The following MGAT4C variants were observed in gnomAD, a reference collection of about 807,000 sequenced individuals.
The protein encoded by MGAT4C is MGAT4 family member C, also known as alpha-1,3-mannosyl-glycoprotein 4-beta-N-acetylglucosaminyltransferase C.
A neutral mutation model predicts 40.1 loss-of-function variants in MGAT4C; 19 were observed. The observed-to-expected ratio is 0.47, with a 90% CI of 0.33 to 0.70. The LOEUF (loss-of-function observed/expected upper bound fraction) is 0.70, where lower values mean the gene tolerates loss of function less well. Ranked by LOEUF, MGAT4C falls within the 30% of genes least tolerant of loss-of-function variation. The pLI, the probability that MGAT4C is intolerant of heterozygous loss-of-function variation, is 0.02. For missense variants in MGAT4C, 491 were observed against 563.2 expected, an observed-to-expected ratio of 0.87 and a Z score of 1.30; for synonymous variants, 181 against 187.1, an observed-to-expected ratio of 0.97 and a Z score of 0.27.
upstream of MGAT4C, among the ~76,000 whole-genome samples, chr12:86,257,786 T>C (rs181946244): frequency 7.8e-4 from 119 of 152,290 alleles, no homozygotes; most frequent in African/African-American, 2.7e-3. Context: ...AGAAGCGAGT[T>C]AGCATGTGAC....
At position 86,566,613 on chromosome 12, in the gene MGAT4C, T is replaced by C. The variant is rs1316911829; in HGVS notation, c.-228-131348A>G. On this transcript the variant is annotated intron_variant, in intron 2 of 7. Transcript: ENST00000548651. ...ATATGTATTATATGTATTATTGTATTATATATGTATATATGTATTATATAT... is the reference window on the plus strand; with the variant it reads ...ATATGTATTATATGTATTATTGTATCATATATGTATATATGTATTATATAT... Among the ~76,000 whole-genome samples, 3 of 142,502 alleles carry C rather than the reference T, an allele frequency of 2.1e-5. No homozygotes were observed. In the Admixed American group the frequency reaches 2.2e-4, roughly 10 times the overall value. The allele number at this position is 142,502 out of a possible 152,430, so 93.5% of individuals were successfully genotyped here.
intron 1 of MGAT4C, among the ~76,000 whole-genome samples, chr12:86,248,792 A>G (rs1952148344): frequency 1.3e-5 from 2 of 152,150 alleles, no homozygotes; most frequent in Admixed American, 1.3e-4. Flanking sequence ...CCATCTAAAT[A>G]TATCGGAATC....
chr12:86,374,838 G>A (rs779652056), intron 3 of MGAT4C, among the ~76,000 whole-genome samples: 4 of 152,178 alleles, frequency 2.6e-5, no homozygotes, highest in South Asian at 2.1e-4. Context: ...AACTAATTTC[G>A]TAGTTTAGGC....
intron 1 of MGAT4C, among the ~76,000 whole-genome samples, chr12:86,130,687 A>G (rs569030545): frequency 1.3e-5 from 2 of 152,128 alleles, no homozygotes; most frequent in East Asian, 3.9e-4. Flanking sequence ...AATAGGTATG[A>G]GCTTATAATA....
intron 1 of MGAT4C, among the ~76,000 whole-genome samples, chr12:86,779,275 G>A (rs1487417892): frequency 6.6e-6 from 1 of 151,948 alleles, no homozygotes; most frequent in Non-Finnish European, 1.5e-5. Flanking sequence ...CGAGAATTTT[G>A]TGAAAACTAT....
At chr12:86,543,040 T>C (rs931998339) in intron 2 of MGAT4C, among the ~76,000 whole-genome samples, 1 of 152,064 alleles carries the variant, frequency 6.6e-6, no homozygotes, top group African/African-American at 2.4e-5. Flanking sequence ...TACTTTTATT[T>C]TGCTAATCCC....
chr12:86,312,315 G>A lies in MGAT4C; in HGVS notation c.-57+21750C>T, dbSNP rs528146524. On this transcript the variant is annotated intron_variant, in intron 4 of 7. Coordinates refer to the MGAT4C transcript ENST00000548651. ...CAGGAGGCAATTCTATTTAGAAGCC[G>A]CATTACACTCTACCCCAAATCTGGA... Among the ~76,000 whole-genome samples, 25 of 152,286 alleles carry A rather than the reference G, an allele frequency of 1.6e-4. No individual in the cohort carries two copies. In the South Asian group the frequency reaches 3.7e-3, roughly 23 times the overall value.
At chr12:86,758,395 A>G (rs1200154394) in intron 1 of MGAT4C, among the ~76,000 whole-genome samples, 2 of 151,466 alleles carry the variant, frequency 1.3e-5, no homozygotes, top group Non-Finnish European at 2.9e-5. Context: ...TTTTTTAAAA[A>G]AAAGAAACTA....
At chr12:86,082,844 TA>T (rs1208105773) in intron 1 of MGAT4C, among the ~76,000 whole-genome samples, 6 of 152,090 alleles carry the variant, frequency 3.9e-5, no homozygotes, top group Admixed American at 6.6e-5. Flanking sequence ...TTTATACTTT[TA>T]TTTTTTTTTG....
intron 2 of MGAT4C, among the ~76,000 whole-genome samples, chr12:86,714,606 C>G (rs565636986): frequency 6.6e-6 from 1 of 152,228 alleles, no homozygotes; most frequent in East Asian, 1.9e-4. Context: ...CCATGTAAGA[C>G]ATACCTTTCG....
chr12:86,436,402 A>G (rs748089758), intron 2 of MGAT4C, among the ~76,000 whole-genome samples: 5 of 151,788 alleles, frequency 3.3e-5, no homozygotes, highest in Non-Finnish European at 5.9e-5. Flanking sequence ...TAATCTTCTA[A>G]TTATGTTACT....
intron 2 of MGAT4C, among the ~76,000 whole-genome samples, chr12:86,550,967 C>A (rs1022866277): frequency 2.0e-5 from 3 of 152,232 alleles, no homozygotes; most frequent in African/African-American, 7.2e-5. Context: ...GGGGAAACAG[C>A]CGTGCCTGTG....
intron 3 of MGAT4C, among the ~76,000 whole-genome samples, chr12:86,405,092 T>C (rs1565737234): frequency 6.6e-6 from 1 of 152,056 alleles, no homozygotes; most frequent in East Asian, 1.9e-4. Context: ...AGAATGCTTT[T>C]TATCAATAAA....
At chr12:86,343,749 A>G (rs1954953129) in intron 3 of MGAT4C, among the ~76,000 whole-genome samples, 1 of 152,118 alleles carries the variant, frequency 6.6e-6, no homozygotes, top group Admixed American at 6.6e-5. Flanking sequence ...TTATCTATCG[A>G]TCTTCCCCAA....
intron 2 of MGAT4C, among the ~76,000 whole-genome samples, chr12:86,446,422 T>C (rs1957335073): frequency 6.6e-6 from 1 of 151,700 alleles, no homozygotes; most frequent in Non-Finnish European, 1.5e-5. Context: ...CATTTCACAT[T>C]ATTTATGAAA....
At chr12:86,060,610 T>C (rs1417896607) in intron 1 of MGAT4C, among the ~76,000 whole-genome samples, 1 of 152,186 alleles carries the variant, frequency 6.6e-6, no homozygotes, top group Non-Finnish European at 1.5e-5. Context: ...TGAGCAAATG[T>C]GTATAATCTT....
At chr12:86,603,231 A>C (rs1305051341) in intron 2 of MGAT4C, among the ~76,000 whole-genome samples, 3 of 144,300 alleles carry the variant, frequency 2.1e-5, no homozygotes, top group Non-Finnish European at 4.5e-5. Context: ...ATATAATATA[A>C]TATATTATAT....
At chr12:86,761,192 T>A (rs1319739426) in intron 1 of MGAT4C, among the ~76,000 whole-genome samples, 1 of 152,050 alleles carries the variant, frequency 6.6e-6, no homozygotes, top group Non-Finnish European at 1.5e-5. Flanking sequence ...GTAAAAAAAA[T>A]GAAATAAAAG....
chr12:86,087,201 C>T (rs1016560530), intron 1 of MGAT4C, among the ~76,000 whole-genome samples: 3 of 152,146 alleles, frequency 2.0e-5, no homozygotes, highest in Admixed American at 6.6e-5. Context: ...AATGGGATTC[C>T]TGGGTAGTTC....
Sources: gnomAD v4.1 joint callset for allele counts (sites outside exome capture counted in the v4.1 genomes callset) on GRCh38, gnomAD v4.1.1 for gene constraint, MANE v1.5 for transcripts, NCBI Gene and HGNC (gene_info 2026-07-23, HGNC 2026-07-21) for gene names.